The following RNF150 variants were observed in gnomAD, a reference collection of about 807,000 sequenced individuals.
RNF150 encodes the protein ring finger protein 150.
In RNF150, 24 loss-of-function variants were observed where a neutral mutation model predicts 39.3. That is an observed-to-expected ratio of 0.61 (90% confidence interval 0.44 to 0.86). The LOEUF (loss-of-function observed/expected upper bound fraction) is 0.86. Among genes scored for constraint, RNF150 ranks in the 40% least tolerant of loss-of-function variants. RNF150 has a pLI of 0.00. For synonymous variants in RNF150, 255 were observed against 227.3 expected (o/e 1.12, Z -1.10); for missense variants, 502 against 587.8 (o/e 0.85, Z 1.51).
In RNF150 at chr4:141,063,593, T is replaced by C. The variant is rs560733139; in HGVS notation, c.484+68732A>G. 2.1e-3 allele frequency among the ~76,000 whole-genome samples: 317 copies of C among 152,294 alleles called. 1 individual carries two copies. Among genetic ancestry groups the C allele is most frequent in the Non-Finnish European group, 3.7e-3 (254 of 68,026 alleles). ...TTCTGAAACATTGTGCCACCTTACA[T>C]TTCCAGTAGCCACCTGGGAAAGGGC... On this transcript the variant is annotated intron_variant, in intron 1 of 6. Coordinates refer to ENST00000515673, the MANE Select transcript of RNF150 (RefSeq NM_020724.2).
At chr4:140,892,059 C>T (rs916197463) in intron 6 of RNF150, among the ~76,000 whole-genome samples, 6 of 152,172 alleles carry the variant, frequency 3.9e-5, no homozygotes, top group Non-Finnish European at 5.9e-5. Flanking sequence ...TTTAAATCAT[C>T]TCTAGATTAC....
At chr4:141,169,417 C>T (rs1245624731) in intron 1 of RNF150, among the ~76,000 whole-genome samples, 6 of 152,102 alleles carry the variant, frequency 3.9e-5, no homozygotes, top group South Asian at 2.1e-4. Context: ...TGCCCAGTCT[C>T]AGGTATTTCT....
chr4:140,997,716 A>ATG (rs1323282746), intron 1 of RNF150, among the ~76,000 whole-genome samples: 90 of 151,450 alleles, frequency 5.9e-4, no homozygotes, highest in South Asian at 1.0e-3. Context: ...ACACACATAT[A>ATG]TGTGTGTATA....
intron 1 of RNF150, among the ~76,000 whole-genome samples, chr4:141,170,941 C>T (rs369595151): frequency 6.6e-6 from 1 of 152,218 alleles, no homozygotes; most frequent in Non-Finnish European, 1.5e-5. Flanking sequence ...TAGTCCATAA[C>T]ACATATTAAT....
intron 1 of RNF150, among the ~76,000 whole-genome samples, chr4:141,101,551 A>G (rs1056485165): frequency 6.6e-6 from 1 of 152,194 alleles, no homozygotes; most frequent in African/African-American, 2.4e-5. Context: ...TACAAAGAGT[A>G]TACTTTAAAA....
chr4:140,869,753 C>A (rs184426630), intron 6 of RNF150, among the ~76,000 whole-genome samples: 1 of 152,102 alleles, frequency 6.6e-6, no homozygotes, highest in African/African-American at 2.4e-5. Context: ...ATCCTTTAAG[C>A]AACAGCATGT....
chr4:141,205,134 A>T (rs1467391148), intron 1 of RNF150, among the ~76,000 whole-genome samples: 1 of 152,234 alleles, frequency 6.6e-6, no homozygotes, highest in Non-Finnish European at 1.5e-5. Flanking sequence ...AATAACTAGA[A>T]TTAAAATTCA....
chr4:141,054,344 G>A (rs576223175), intron 1 of RNF150, among the ~76,000 whole-genome samples: 3 of 152,116 alleles, frequency 2.0e-5, no homozygotes, highest in Non-Finnish European at 4.4e-5. Flanking sequence ...TTTGCACAAA[G>A]TTTAAATGTT....
intron 1 of RNF150, among the ~76,000 whole-genome samples, chr4:141,121,924 CAT>C (rs1266195535): frequency 1.3e-5 from 2 of 152,122 alleles, no homozygotes; most frequent in Middle Eastern, 3.2e-3. Context: ...ACTCTAGAAA[CAT>C]ATGGGGAGTC....
chr4:141,138,641 G>T (rs551028585), intron 1 of RNF150, among the ~76,000 whole-genome samples: 1 of 152,190 alleles, frequency 6.6e-6, no homozygotes, highest in Non-Finnish European at 1.5e-5. Flanking sequence ...GTACAGTGCT[G>T]TAGTGGTGGA....
chr4:140,861,785 G>A lies in RNF150; in HGVS notation c.*6476C>T, dbSNP rs147170034. 2.7e-3 allele frequency: 417 copies of A among 152,304 alleles called. 3 individuals carry two copies. The highest frequency in any genetic ancestry group is 9.6e-3 in the African/African-American group (400 of 41,564). The allele number at this position is 152,304 out of a possible 1,614,324, so 9.4% of individuals were successfully genotyped here. ...TCTTCACATTCTCAAAGAGAACAAT[G>A]TTCTGAGTTCAGTAAAGCGCTAGAT... On this transcript the variant is annotated 3_prime_UTR_variant, in exon 7 of 7. Coordinates refer to ENST00000515673, the MANE Select transcript of RNF150 (RefSeq NM_020724.2).
At chr4:141,049,557 A>G (rs1233210725) in intron 1 of RNF150, among the ~76,000 whole-genome samples, 2 of 152,230 alleles carry the variant, frequency 1.3e-5, no homozygotes, top group Non-Finnish European at 2.9e-5. Flanking sequence ...CACATTTTGA[A>G]TACTTAAAAG....
At chr4:140,892,882 G>A (rs1044819380) in intron 6 of RNF150, among the ~76,000 whole-genome samples, 1 of 141,912 alleles carries the variant, frequency 7.0e-6, no homozygotes, top group Non-Finnish European at 1.5e-5. Flanking sequence ...GCAACATAGT[G>A]AGACCCCATC....
At chr4:141,151,832 TA>T (rs1727308204) in intron 1 of RNF150, among the ~76,000 whole-genome samples, 1 of 152,218 alleles carries the variant, frequency 6.6e-6, no homozygotes, top group Non-Finnish European at 1.5e-5. Flanking sequence ...GTTCCCATGA[TA>T]AAATAAAATT....
chr4:141,043,706 G>A (rs932718598), intron 1 of RNF150, among the ~76,000 whole-genome samples: 3 of 152,082 alleles, frequency 2.0e-5, no homozygotes, highest in African/African-American at 7.2e-5. Context: ...AATTGGGTGG[G>A]ATGAATACCA....
intron 1 of RNF150, among the ~76,000 whole-genome samples, chr4:141,157,506 G>A (rs1727434764): frequency 6.6e-6 from 1 of 152,174 alleles, no homozygotes; most frequent in African/African-American, 2.4e-5. Flanking sequence ...AAGAAATGGT[G>A]TCTGTCTCAG....
intron 3 of RNF150, among the ~76,000 whole-genome samples, chr4:140,948,147 A>G (rs1182639486): frequency 6.6e-6 from 1 of 152,144 alleles, no homozygotes; most frequent in Non-Finnish European, 1.5e-5. Context: ...TCAAGTATAT[A>G]TATATCTCTT....
chr4:140,953,210 G>C (rs992678890), intron 2 of RNF150, among the ~76,000 whole-genome samples: 13 of 152,192 alleles, frequency 8.5e-5, no homozygotes, highest in African/African-American at 2.7e-4. Context: ...CCTCCTAGAA[G>C]CTCTGAGAAA....
At chr4:140,981,570 C>G (rs1733860448) in intron 1 of RNF150, among the ~76,000 whole-genome samples, 1 of 152,050 alleles carries the variant, frequency 6.6e-6, no homozygotes, top group African/African-American at 2.4e-5. Flanking sequence ...AGGTACTTCA[C>G]AATAAAAAAC....
Sources: gnomAD v4.1 joint callset for allele counts (sites outside exome capture counted in the v4.1 genomes callset) on GRCh38, gnomAD v4.1.1 for gene constraint, MANE v1.5 for transcripts, NCBI Gene and HGNC (gene_info 2026-07-23, HGNC 2026-07-21) for gene names.